Variants in RGL3 observed in about 807,000 individuals in gnomAD.
RGL3 encodes the protein ral guanine nucleotide dissociation stimulator like 3.
In RGL3, 85 loss-of-function variants were observed where a neutral mutation model predicts 90.6. That is an observed-to-expected ratio of 0.94 (90% CI 0.79 to 1.12). The LOEUF (loss-of-function observed/expected upper bound fraction) is 1.12, where lower values mean the gene tolerates loss of function less well. Among genes scored for constraint, RGL3 ranks in the 50% most tolerant of loss-of-function variants. The pLI is 0.00. For missense variants in RGL3, 1,034 were observed against 939.2 expected, an observed-to-expected ratio of 1.10 and a Z score of -1.32; for synonymous variants, 408 against 385.5, an observed-to-expected ratio of 1.06 and a Z score of -0.68.
chr19:11,399,976 T>G (rs762459338), intron 15 of RGL3, 25 bp from the exon 16 acceptor site: 1 of 1,568,416 alleles, frequency 6.4e-7, no homozygotes, highest in Non-Finnish European at 8.6e-7. Context: ...GAGGCTGAGG[T>G]GGGGTGGCTG....
intron 18 of RGL3, among the ~76,000 whole-genome samples, chr19:11,395,659 C>T (rs2144712661): frequency 6.6e-6 from 1 of 152,190 alleles, no homozygotes; most frequent in East Asian, 1.9e-4. Context: ...GACGGAGTCT[C>T]ACTCTGTCGC....
At chr19:11,415,451 G>C (rs1370700579) in intron 5 of RGL3, among the ~76,000 whole-genome samples, 6 of 151,952 alleles carry the variant, frequency 3.9e-5, no homozygotes, top group Admixed American at 3.3e-4. Context: ...AAAAGTATTA[G>C]ACACATGCTA....
At chr19:11,415,098 C>G (rs1968969874) in intron 5 of RGL3, among the ~76,000 whole-genome samples, 1 of 150,980 alleles carries the variant, frequency 6.6e-6, no homozygotes, top group Non-Finnish European at 1.5e-5. Context: ...CCACTGCACT[C>G]CAGCCTGGGT....
intron 7 of RGL3, among the ~76,000 whole-genome samples, chr19:11,405,971 C>G (rs1051708377): frequency 6.6e-6 from 1 of 151,442 alleles, no homozygotes; most frequent in African/African-American, 2.4e-5. Context: ...CTCAAGCGAT[C>G]CTCCCTCTCC....
In RGL3 at chr19:11,397,500, C is replaced by T. The variant is rs770029288; in HGVS notation, c.1844G>A (p.Arg615His). 7 of 1,613,474 alleles carry T rather than the reference C, an allele frequency of 4.3e-6. No homozygotes were observed. Among genetic ancestry groups the T allele is most frequent in the Admixed American group, 3.3e-5 (2 of 59,952 alleles). ...ATTGTCGATGCTGACGCGGATGACACGGGCCTCCGAGCTCTGCTGCGCCGG... is the reference window on the plus strand; with the variant it reads ...ATTGTCGATGCTGACGCGGATGACATGGGCCTCCGAGCTCTGCTGCGCCGG... ...PLPAQQSSEA[R>H]VIRVSIDNDH... is the part of the protein sequence containing the mutation. The change falls in exon 17 of 19, where the codon CGT becomes CAT. Residue 615 changes from arginine to histidine, a missense_variant. By Grantham distance (29) the Arg-to-His change is conservative. Coordinates refer to ENST00000380456, the MANE Select transcript of RGL3 (RefSeq NM_001035223.4).
rs796661694 is a variant in RGL3, at chr19:11,395,169, A to AC, written c.2015-650dup. ...GGGCAAACTTAGACCACCCTAGACC[A>AC]CCCCCCGCCAAACAACTTCCTGCTC... On this transcript the variant is annotated intron_variant, in intron 18 of 18. Coordinates refer to ENST00000380456, the MANE Select transcript of RGL3 (RefSeq NM_001035223.4). Among the ~76,000 whole-genome samples, 230 of 147,150 alleles carry AC rather than the reference A, an allele frequency of 1.6e-3. 1 individual carries two copies. Among genetic ancestry groups the AC allele is most frequent in the African/African-American group, 5.5e-3 (221 of 40,066 alleles).
At chr19:11,396,130 C>CTATA (rs1465265066) in intron 18 of RGL3, among the ~76,000 whole-genome samples, 68 of 49,202 alleles carry the variant, frequency 1.4e-3, no homozygotes, top group Non-Finnish European at 1.9e-3. Flanking sequence ...CTCTCTCTCT[C>CTATA]TCTCTCTATA....
Position 11,409,952 on chromosome 19 carries a change from ATTTTGT to A in RGL3, c.638-3094_638-3089del, listed in dbSNP as rs748017007. On this transcript the variant is annotated intron_variant, in intron 5 of 18. Transcript: ENST00000380456. Reference sequence around the variant, plus strand: ...TACTATTATTTTATTTTATTTTTTTATTTTGTGATGGAGTCTTGCTCTGTCGCCCAG... The same window carrying A: ...TACTATTATTTTATTTTATTTTTTTAGATGGAGTCTTGCTCTGTCGCCCAG... Among the ~76,000 whole-genome samples, 353 of 150,712 alleles carry A rather than the reference ATTTTGT, an allele frequency of 2.3e-3. 2 individuals carry two copies. Among genetic ancestry groups the A allele is most frequent in the Non-Finnish European group, 4.0e-3 (269 of 67,636 alleles).
At chr19:11,400,856 AAAAT>A (rs36155093) in intron 13 of RGL3, among the ~76,000 whole-genome samples, 26,702 of 144,896 alleles carry the variant, frequency 0.18, 2,879 homozygotes, top group East Asian at 0.4. Flanking sequence ...CTCTGTCTCA[AAAAT>A]AAATAAATAA....
chr19:11,396,269 G>C (rs2144714123), intron 18 of RGL3, among the ~76,000 whole-genome samples: 1 of 141,616 alleles, frequency 7.1e-6, no homozygotes, highest in East Asian at 2.3e-4. Context: ...CTGGGTTCAA[G>C]CGATTCTTCT....
intron 5 of RGL3, among the ~76,000 whole-genome samples, chr19:11,412,600 T>G (rs1381134894): frequency 6.6e-6 from 1 of 151,980 alleles, no homozygotes; most frequent in Non-Finnish European, 1.5e-5. Context: ...CTCAGGAGGC[T>G]GAGGTAGGAG....
At chr19:11,401,664 G>A (rs1288248285) in intron 13 of RGL3, among the ~76,000 whole-genome samples, 1 of 151,838 alleles carries the variant, frequency 6.6e-6, no homozygotes, top group African/African-American at 2.4e-5. Flanking sequence ...GCCTCCCAAA[G>A]TGCTGGGATT....
At chr19:11,410,471 C>T (rs1274104496) in intron 5 of RGL3, among the ~76,000 whole-genome samples, 9 of 151,858 alleles carry the variant, frequency 5.9e-5, no homozygotes, top group Admixed American at 5.9e-4. Context: ...TGCTTGAGAC[C>T]AGGAGTTTGA....
At chr19:11,394,804 A>G (rs1197047839) in intron 18 of RGL3, 1 of 349,184 alleles carries the variant, frequency 2.9e-6, no homozygotes, top group East Asian at 6.4e-5. Flanking sequence ...AGTTTGAGCA[A>G]ACTGGCCGGG....
chr19:11,417,016 C>T lies in RGL3; in HGVS notation c.191G>A (p.Ser64Asn). 1 of 1,612,606 alleles carries T rather than the reference C, an allele frequency of 6.2e-7. No individual in the cohort carries two copies. The highest frequency in any genetic ancestry group is 8.5e-7 in the Non-Finnish European group (1 of 1,179,180). The change falls in exon 3 of 19, where the codon AGC (serine) becomes AAC (asparagine). Residue 64 changes from serine to asparagine, a missense_variant. Ser to Asn is a conservative substitution (Grantham distance 46). Transcript: ENST00000380456. Reference sequence around the variant, plus strand: ...CGCTGCCCTCAGCACCCTCACCTTGCTGGTTCGATAGTGGAGGAAGGTATT... The same window carrying T: ...CGCTGCCCTCAGCACCCTCACCTTGTTGGTTCGATAGTGGAGGAAGGTATT... ...IANTFLHYRT[S>N]KVRVLRAARL... is the part of the protein sequence containing the mutation.
chr19:11,415,113 G>C (rs541076624), intron 5 of RGL3, among the ~76,000 whole-genome samples: 22 of 151,340 alleles, frequency 1.5e-4, no homozygotes, highest in African/African-American at 5.3e-4. Context: ...CTGGGTAACA[G>C]TGCGAGACTC....
chr19:11,419,173 G>C, intron 1 of RGL3, 73 bp downstream of exon 1: 3 of 1,511,668 alleles, frequency 2.0e-6, no homozygotes, highest in Non-Finnish European at 2.7e-6. Context: ...ACCGTCCGAC[G>C]GGCGGGCGCT....
chr19:11,418,408 G>T, intron 2 of RGL3: 1 of 517,300 alleles, frequency 1.9e-6, no homozygotes, highest in Non-Finnish European at 3.4e-6. Flanking sequence ...CAACTCTGCC[G>T]TCCAGTTCTG....
Position 11,405,334 on chromosome 19 carries a change from C to G in RGL3, c.1089G>C (p.Gly363=). 1.9e-6 allele frequency: 3 copies of G among 1,613,258 alleles called. No individual in the cohort carries two copies. Among genetic ancestry groups the G allele is most frequent in the Non-Finnish European group, 8.5e-7 (1 of 1,179,710 alleles). The change falls in exon 8 of 19, where the codon GGG becomes GGC. Residue 363 remains glycine, a synonymous_variant. Transcript: ENST00000380456. ...NPIYRLKRSW[G]AVSREPLSTF... is the part of the protein sequence containing the mutation. The stretch of plus-strand genomic sequence containing the variant: ...CCGCCCCAGCTCACCGGCTCACTGC[C>G]CCCCAGCTGCGCTTGAGCCGGTAGA...
Sources: gnomAD v4.1 joint callset for allele counts (sites outside exome capture counted in the v4.1 genomes callset) on GRCh38, gnomAD v4.1.1 for gene constraint, MANE v1.5 for transcripts, NCBI Gene and HGNC (gene_info 2026-07-23, HGNC 2026-07-21) for gene names.